Variants in NLRP11 observed in about 807,000 individuals in gnomAD.
NLRP11 encodes the protein NLR family pyrin domain containing 11, also known as NACHT, LRR and PYD domains-containing protein 11.
Under a neutral mutation model 79.3 loss-of-function variants are expected in NLRP11, and 53 were observed. The ratio of observed to expected loss-of-function variants is 0.67; its 90% confidence interval spans 0.54 to 0.84. The LOEUF is 0.84. Ranked by LOEUF, NLRP11 falls within the 40% of genes least tolerant of loss-of-function variation. The pLI is 0.00. For synonymous variants in NLRP11, 518 were observed against 462.6 expected, an observed-to-expected ratio of 1.12 and a Z score of -1.54; for missense variants, 1,264 against 1,255.0, an observed-to-expected ratio of 1.01 and a Z score of -0.11.
At chr19:55,810,363 A>G in intron 2 of NLRP11, 25 bp from the exon 3 acceptor site, 1 of 1,568,952 alleles carries the variant, frequency 6.4e-7, no homozygotes, top group Non-Finnish European at 8.6e-7. Context: ...ACAGGGCAGA[A>G]AATACAGAAC....
At chr19:55,785,803 C>T (rs1346128442) in exon 10 of NLRP11, 1 of 1,614,138 alleles carries the variant, frequency 6.2e-7, no homozygotes, top group East Asian at 2.2e-5. Context: ...AAAGATCAAA[C>T]TGGGTTTTCT....
intron 2 of NLRP11, among the ~76,000 whole-genome samples, chr19:55,813,310 A>G (rs1290072241): frequency 6.6e-6 from 1 of 152,158 alleles, no homozygotes; most frequent in Non-Finnish European, 1.5e-5. Context: ...CCTGGGAAAA[A>G]AAATTTTTTA....
rs1417040578 is a variant in NLRP11 at position 55,794,166 on chromosome 19, T to C, written c.2343-1695A>G. Among the ~76,000 whole-genome samples the C allele has an allele frequency of 3.3e-5, 5 of 152,316 alleles. No homozygotes were observed. In the East Asian group the frequency reaches 9.6e-4, roughly 29 times the overall value. ...GTGATAAAAATGTTCTAAAATTATATTGTAGTGTTGTACAACTCTAAATAT... is the reference window on the plus strand; with the variant it reads ...GTGATAAAAATGTTCTAAAATTATACTGTAGTGTTGTACAACTCTAAATAT... On this transcript the variant is annotated intron_variant, in intron 6 of 9. Coordinates refer to ENST00000589093, the Ensembl canonical transcript of NLRP11.
exon 3 of NLRP11, chr19:55,810,272 A>G (rs1199059111): frequency 1.9e-6 from 3 of 1,614,028 alleles, no homozygotes; most frequent in Non-Finnish European, 2.5e-6. Context: ...AAATTTTCCA[A>G]AAGTGTGACT....
At chr19:55,798,059 G>A (rs995826016) in intron 5 of NLRP11, among the ~76,000 whole-genome samples, 1 of 151,730 alleles carries the variant, frequency 6.6e-6, no homozygotes, top group African/African-American at 2.4e-5. Context: ...GAGTGCAATG[G>A]TGTGATCTCG....
At position 55,810,207 on chromosome 19, in the gene NLRP11, C is replaced by A. The variant is rs1258655445; in HGVS notation, c.403G>T (p.Ala135Ser). The A allele has an allele frequency of 1.9e-6, 3 of 1,614,066 alleles. No individual in the cohort carries two copies. In the East Asian group the frequency reaches 6.7e-5, roughly 36 times the overall value. ...GAATAATAGCTGGTAGAATCATAGGCTAATTGAAGTATGTAGAACACATCT... is the reference window on the plus strand; with the variant it reads ...GAATAATAGCTGGTAGAATCATAGGATAATTGAAGTATGTAGAACACATCT... Residue 135 changes from alanine (A) to serine (S), a missense_variant, in exon 3 of 10, where the codon GCC becomes TCC. Physicochemically the swap from Ala to Ser is moderately conservative, Grantham distance 99. Coordinates refer to ENST00000589093, the Ensembl canonical transcript of NLRP11.
chr19:55,795,862 A>C lies in NLRP11; in HGVS notation c.2342+218T>G, dbSNP rs1001492802. 2.0e-5 allele frequency among the ~76,000 whole-genome samples: 3 copies of C among 152,194 alleles called. No individual in the cohort carries two copies. The East Asian group carries it at 5.8e-4, about 29-fold the overall frequency. On this transcript the variant is annotated intron_variant, in intron 6 of 9. Coordinates refer to ENST00000589093, the Ensembl canonical transcript of NLRP11. ...TTATGACTCCACTGTCCAGATTGAG[A>C]AATACAAGTTGAAAAAAAATCCAGA...
intron 6 of NLRP11, among the ~76,000 whole-genome samples, chr19:55,795,781 T>G (rs900214352): frequency 2.0e-5 from 3 of 152,136 alleles, no homozygotes; most frequent in Non-Finnish European, 2.9e-5. Flanking sequence ...AGCCACCGCG[T>G]CCGGCCGTGA....
chr19:55,785,910 T>C, intron 9 of NLRP11, 39 bp from the exon 10 acceptor site: 2 of 1,591,182 alleles, frequency 1.3e-6, no homozygotes, highest in Middle Eastern at 1.7e-4. Flanking sequence ...TAATGCTACA[T>C]GTGAGGTCTC....
chr19:55,804,355 A>G (rs1192291685), intron 4 of NLRP11, among the ~76,000 whole-genome samples: 1 of 152,238 alleles, frequency 6.6e-6, no homozygotes, highest in Non-Finnish European at 1.5e-5. Flanking sequence ...AAAGACATGC[A>G]ATCAACCTAA....
At chr19:55,791,115 T>C (rs371411046) in intron 7 of NLRP11, among the ~76,000 whole-genome samples, 438 of 152,308 alleles carry the variant, frequency 2.9e-3, no homozygotes, top group Non-Finnish European at 5.0e-3. Context: ...TTTCATGGCC[T>C]CTCTTCAGCT....
intron 9 of NLRP11, among the ~76,000 whole-genome samples, chr19:55,786,528 A>T (rs1413909596): frequency 6.6e-6 from 1 of 152,078 alleles, no homozygotes; most frequent in East Asian, 1.9e-4. Context: ...CTAGAAAAAA[A>T]AAAAATTTAC....
intron 2 of NLRP11, among the ~76,000 whole-genome samples, chr19:55,812,979 G>A (rs1196261578): frequency 6.6e-6 from 1 of 152,012 alleles, no homozygotes; most frequent in African/African-American, 2.4e-5. Flanking sequence ...ACCAGTTCAG[G>A]TTCCCACCTG....
chr19:55,795,753 A>G (rs973549657), intron 6 of NLRP11, among the ~76,000 whole-genome samples: 8 of 152,044 alleles, frequency 5.3e-5, no homozygotes, highest in Admixed American at 1.3e-4. Flanking sequence ...CTCCCAAAGT[A>G]CTGGAATTAC....
intron 2 of NLRP11, among the ~76,000 whole-genome samples, chr19:55,813,333 G>A (rs1167133654): frequency 6.6e-6 from 1 of 152,068 alleles, no homozygotes; most frequent in Non-Finnish European, 1.5e-5. Flanking sequence ...GCAGAGGAAA[G>A]TTACAGGTCA....
chr19:55,809,474 G>A lies in NLRP11; in HGVS notation c.1136C>T (p.Thr379Ile), dbSNP rs1980362995. 6.2e-7 allele frequency: 1 copy of A among 1,614,040 alleles called. No homozygotes were observed. The highest frequency in any genetic ancestry group is 1.7e-5 in the Admixed American group (1 of 59,994). ...ATTGGCAGTAAGTCCAGCCTCTGAT[G>A]TCAACGCATCAGCAAGAAAGTGGGC... The change falls in exon 3 of 10, where the codon ACA becomes ATA. Residue 379 changes from threonine to isoleucine, a missense_variant. By Grantham distance (89) the Thr-to-Ile change is moderately conservative. Coordinates refer to ENST00000589093, the Ensembl canonical transcript of NLRP11. This position sits in a 1 kb window ranked among gnomAD's most constrained non-coding sequence, Gnocchi z 4.5.
At chr19:55,798,289 C>T (rs1313117414) in intron 5 of NLRP11, 44 of 982,118 alleles carry the variant, frequency 4.5e-5, no homozygotes, top group Non-Finnish European at 5.1e-5. Context: ...TGAGCCGTCG[C>T]GTTGGCCTGT....
At position 55,809,250 on chromosome 19, in the gene NLRP11, G is replaced by C. The variant is rs1159713609; in HGVS notation, c.1360C>G (p.Gln454Glu). 4 of 1,614,026 alleles carry C rather than the reference G, an allele frequency of 2.5e-6. No individual in the cohort carries two copies. ...AATGCAATGGCTGTACAAAACTCCT[G>C]GACGTTCAAGTGTATGAACTTGTAA... The change falls in exon 3 of 10, where the codon CAG becomes GAG. Residue 454 changes from glutamine to glutamate, a missense_variant. By Grantham distance (29) the Gln-to-Glu change is conservative. Transcript: ENST00000589093. The surrounding 1 kb of genome is among the most constrained non-coding windows in gnomAD (Gnocchi z 4.5).
At chr19:55,834,353 CAA>C (rs1353742944), upstream of NLRP11, among the ~76,000 whole-genome samples, 1 of 152,066 alleles carries the variant, frequency 6.6e-6, no homozygotes, top group African/African-American at 2.4e-5. Flanking sequence ...AGGTATTTCA[CAA>C]AAGAGGCAAC....
Sources: gnomAD v4.1 joint callset for allele counts (sites outside exome capture counted in the v4.1 genomes callset) on GRCh38, gnomAD v4.1.1 for gene constraint, Gnocchi (gnomAD v3.1) non-coding constraint, MANE v1.5 for transcripts, NCBI Gene and HGNC (gene_info 2026-07-23, HGNC 2026-07-21) for gene names.